The following GABRG3 variants were observed in gnomAD, a reference collection of about 807,000 sequenced individuals.
The protein encoded by GABRG3 is gamma-aminobutyric acid type A receptor subunit gamma3, also known as gamma-aminobutyric acid receptor subunit gamma-3.
GABRG3 carries 25 observed loss-of-function variants against 48.8 expected under a neutral mutation model. That is an observed-to-expected ratio of 0.51 (90% CI 0.37 to 0.72). The LOEUF is 0.72. Ranked by LOEUF, GABRG3 falls within the 30% of genes least tolerant of loss-of-function variation. The probability of loss-of-function intolerance (pLI) is 0.00; values close to 1 mark genes in which losing one functional copy is unlikely to be tolerated. For missense variants in GABRG3, 394 were observed against 577.9 expected (o/e 0.68, Z 3.26); for synonymous variants, 227 against 217.6 (o/e 1.04, Z -0.38).
Position 26,983,963 on chromosome 15 carries a change from T to TC in GABRG3, c.202+6818dup, listed in dbSNP as rs1595455200. 2.6e-5 allele frequency among the ~76,000 whole-genome samples: 4 copies of TC among 152,118 alleles called. No individual in the cohort carries two copies. The East Asian group carries it at 5.8e-4, about 22-fold the overall frequency. On this transcript the variant is annotated intron_variant, in intron 2 of 9. Transcript: ENST00000615808. ...TTTTGCTGCTGTCCTGGCCCGTTTT[T>TC]CCCCCGTCTGTGCTGAGCTCACCAT... is the stretch of plus-strand genomic sequence containing the variant.
intron 5 of GABRG3, among the ~76,000 whole-genome samples, chr15:27,416,022 C>T (rs1887931223): frequency 6.6e-6 from 1 of 152,164 alleles, no homozygotes; most frequent in South Asian, 2.1e-4. Context: ...TGTTGAAGCC[C>T]TCAAAATCAT....
At chr15:27,449,778 G>A (rs1050459664) in intron 5 of GABRG3, among the ~76,000 whole-genome samples, 3 of 152,156 alleles carry the variant, frequency 2.0e-5, no homozygotes, top group South Asian at 2.1e-4. Context: ...ACGCTGAGTC[G>A]TACGGCAGTC....
At position 27,270,848 on chromosome 15, in the gene GABRG3, CATT is replaced by C. The variant is rs369298425; in HGVS notation, c.271-55957_271-55955del. Among the ~76,000 whole-genome samples the C allele has an allele frequency of 1.4e-3, 212 of 152,244 alleles. 2 individuals are homozygous for C. Among genetic ancestry groups the C allele is most frequent in the African/African-American group, 4.9e-3 (205 of 41,538 alleles). ...TCACCCTTACCTCATAAATGTGTAA[CATT>C]ATTTCATGTCAATCATAAATGAAAA... On this transcript the variant is annotated intron_variant, in intron 3 of 9. Transcript: ENST00000615808.
intron 3 of GABRG3, among the ~76,000 whole-genome samples, chr15:27,121,797 T>C (rs1897736436): frequency 6.6e-6 from 1 of 152,234 alleles, no homozygotes; most frequent in Non-Finnish European, 1.5e-5. Context: ...AGTGAGATTC[T>C]GTTTTTTTGC....
intron 3 of GABRG3, among the ~76,000 whole-genome samples, chr15:27,248,261 G>A (rs77835137): frequency 0.026 from 3,987 of 152,156 alleles, 193 homozygotes; most frequent in African/African-American, 0.091. Flanking sequence ...AAAGGACCTC[G>A]CGCCCTCCTA....
intron 3 of GABRG3, among the ~76,000 whole-genome samples, chr15:27,035,709 C>T (rs958309882): frequency 6.6e-6 from 1 of 152,142 alleles, no homozygotes; most frequent in African/African-American, 2.4e-5. Context: ...GCTGAGTGTG[C>T]GTGGACAGCA....
chr15:27,027,041 A>G (rs1895997890), intron 3 of GABRG3: 2 of 445,310 alleles, frequency 4.5e-6, no homozygotes, highest in Non-Finnish European at 8.0e-6. Flanking sequence ...TCTTCTTTCA[A>G]CATCCAAGAG....
At chr15:27,015,507 C>T (rs1484476286) in intron 2 of GABRG3, among the ~76,000 whole-genome samples, 3 of 151,606 alleles carry the variant, frequency 2.0e-5, no homozygotes, top group Non-Finnish European at 4.4e-5. Flanking sequence ...GCCTGAGCCT[C>T]CCGAGTAGCT....
In GABRG3 at chr15:27,121,872, C is replaced by T. The variant is rs114970769; in HGVS notation, c.270+95051C>T. Among the ~76,000 whole-genome samples, 274 of 152,226 alleles carry T rather than the reference C, an allele frequency of 1.8e-3. 1 individual carries two copies. The highest frequency in any genetic ancestry group is 6.5e-3 in the African/African-American group (268 of 41,516). ...AATAAGCCAGGCACAGAAAGACAAA[C>T]ACCACATGTTCTTACTTATCTGTGG... On this transcript the variant is annotated intron_variant, in intron 3 of 9. Coordinates refer to ENST00000615808, the MANE Select transcript of GABRG3 (RefSeq NM_033223.5).
chr15:27,371,421 AAAG>A (rs1229172929), intron 5 of GABRG3, among the ~76,000 whole-genome samples: 2 of 152,246 alleles, frequency 1.3e-5, no homozygotes, highest in East Asian at 3.8e-4. Flanking sequence ...CATTCTGTAA[AAAG>A]AAGATTATTT....
intron 3 of GABRG3, among the ~76,000 whole-genome samples, chr15:27,246,444 A>G (rs1486337809): frequency 6.6e-6 from 1 of 152,186 alleles, no homozygotes; most frequent in Non-Finnish European, 1.5e-5. Flanking sequence ...TGCAAAGATA[A>G]ATAGATAGGT....
intron 3 of GABRG3, among the ~76,000 whole-genome samples, chr15:27,310,109 G>A (rs1892945143): frequency 6.6e-6 from 1 of 151,980 alleles, no homozygotes; most frequent in Non-Finnish European, 1.5e-5. Context: ...CCCTCCCAAC[G>A]AAAAGAATCC....
intron 3 of GABRG3, among the ~76,000 whole-genome samples, chr15:27,286,205 G>C (rs140059250): frequency 6.6e-6 from 1 of 152,126 alleles, no homozygotes; most frequent in African/African-American, 2.4e-5. Context: ...GTACTGATAC[G>C]TATGGAGCAT....
At chr15:27,286,778 CAT>C (rs979378075) in intron 3 of GABRG3, among the ~76,000 whole-genome samples, 2 of 152,150 alleles carry the variant, frequency 1.3e-5, no homozygotes, top group African/African-American at 2.4e-5. Flanking sequence ...AGAACAGAAA[CAT>C]GTTATAATTC....
At chr15:26,984,120 C>G (rs918185357) in intron 2 of GABRG3, among the ~76,000 whole-genome samples, 1 of 152,094 alleles carries the variant, frequency 6.6e-6, no homozygotes, top group African/African-American at 2.4e-5. Flanking sequence ...AATGATAATA[C>G]ATTTTGAAGG....
At chr15:27,292,177 C>T (rs1891814955) in intron 3 of GABRG3, among the ~76,000 whole-genome samples, 1 of 150,818 alleles carries the variant, frequency 6.6e-6, no homozygotes, top group Non-Finnish European at 1.5e-5. Flanking sequence ...TTTCTTTATC[C>T]AGTCTATCAT....
chr15:26,999,577 G>A (rs1242289665), intron 2 of GABRG3, among the ~76,000 whole-genome samples: 1 of 152,062 alleles, frequency 6.6e-6, no homozygotes, highest in African/African-American at 2.4e-5. Context: ...GTGCCTTAGG[G>A]TAGTATTCTT....
chr15:27,073,001 C>CA (rs1896853581), intron 3 of GABRG3, among the ~76,000 whole-genome samples: 1 of 152,208 alleles, frequency 6.6e-6, no homozygotes, highest in Admixed American at 6.5e-5. Flanking sequence ...TAGCAACAAA[C>CA]AAACAAACAA....
At chr15:27,064,996 A>G (rs961971239) in intron 3 of GABRG3, among the ~76,000 whole-genome samples, 7 of 152,164 alleles carry the variant, frequency 4.6e-5, no homozygotes, top group Non-Finnish European at 1.0e-4. Context: ...CAATAGAGTC[A>G]CCAGTAAAGA....
Sources: gnomAD v4.1 joint callset for allele counts (sites outside exome capture counted in the v4.1 genomes callset) on GRCh38, gnomAD v4.1.1 for gene constraint, MANE v1.5 for transcripts, NCBI Gene and HGNC (gene_info 2026-07-23, HGNC 2026-07-21) for gene names.